The following HPSE variants were observed in gnomAD, a reference collection of about 807,000 sequenced individuals.
The protein encoded by HPSE is heparanase.
A neutral mutation model predicts 65.1 loss-of-function variants in HPSE; 48 were observed. That is an observed-to-expected ratio of 0.74 (90% CI 0.58 to 0.94). The LOEUF is 0.94. HPSE is among the 40% of genes least tolerant of loss of function. The pLI, the probability that HPSE is intolerant of heterozygous loss-of-function variation, is 0.00. For missense variants in HPSE, 644 were observed against 637.5 expected, an observed-to-expected ratio of 1.01 and a Z score of -0.11; for synonymous variants, 243 against 260.0, an observed-to-expected ratio of 0.93 and a Z score of 0.63.
chr4:83,310,326 T>G (rs1013112764), intron 5 of HPSE, among the ~76,000 whole-genome samples: 4 of 151,844 alleles, frequency 2.6e-5, no homozygotes, highest in Non-Finnish European at 4.4e-5. Flanking sequence ...TTTAATAACA[T>G]GTGGACTATT....
intron 2 of HPSE, among the ~76,000 whole-genome samples, chr4:83,319,684 T>C (rs1736802164): frequency 6.6e-6 from 1 of 152,264 alleles, no homozygotes; most frequent in South Asian, 2.1e-4. Context: ...GCAGGTTTCC[T>C]AAGAAATATT....
chr4:83,292,938 TA>T lies in HPSE; in HGVS notation c.*2405del, dbSNP rs1317100482. On this transcript the variant is annotated 3_prime_UTR_variant, in exon 12 of 12. Coordinates refer to ENST00000311412, the MANE Select transcript of HPSE (RefSeq NM_001098540.3). ...TACATCACTCAGGTGACAAGTACAT[TA>T]AAAGCCGAGTCTTCACCACTACACA... The T allele has an allele frequency of 1.3e-5, 2 of 152,016 alleles. No individual in the cohort carries two copies. The highest frequency in any genetic ancestry group is 2.4e-5 in the African/African-American group (1 of 41,350). 9.4% of individuals were successfully genotyped at this position (152,016 alleles called of 1,614,324 possible).
At chr4:83,323,631 C>G (rs1041454970) in intron 1 of HPSE, among the ~76,000 whole-genome samples, 1 of 152,154 alleles carries the variant, frequency 6.6e-6, no homozygotes, top group Non-Finnish European at 1.5e-5. Context: ...ACTCCTGCCT[C>G]CCTTCACCAT....
At chr4:83,324,106 T>C (rs1737032792) in intron 1 of HPSE, among the ~76,000 whole-genome samples, 1 of 131,808 alleles carries the variant, frequency 7.6e-6, no homozygotes, top group Admixed American at 9.1e-5. Context: ...CAATACTTCT[T>C]CTTCTTCTTT....
chr4:83,308,047 A>G (rs1736209699), intron 8 of HPSE, among the ~76,000 whole-genome samples: 1 of 151,958 alleles, frequency 6.6e-6, no homozygotes, highest in Non-Finnish European at 1.5e-5. Context: ...ATAGCTACAT[A>G]CACTAAGTAT....
At chr4:83,313,672 T>A (rs1736512775) in intron 3 of HPSE, among the ~76,000 whole-genome samples, 1 of 152,188 alleles carries the variant, frequency 6.6e-6, no homozygotes, top group African/African-American at 2.4e-5. Flanking sequence ...ACAAGTTCAG[T>A]TAAAAAATAT....
intron 1 of HPSE, among the ~76,000 whole-genome samples, chr4:83,332,184 T>G (rs894377215): frequency 2.0e-5 from 3 of 152,238 alleles, no homozygotes; most frequent in Non-Finnish European, 2.9e-5. Context: ...TGAGGAACTG[T>G]AATAAATTAA....
intron 1 of HPSE, among the ~76,000 whole-genome samples, chr4:83,329,095 G>C (rs1313631631): frequency 2.6e-5 from 4 of 152,128 alleles, no homozygotes; most frequent in Non-Finnish European, 5.9e-5. Flanking sequence ...CAGAGAAATG[G>C]AGAGTTAAGG....
intron 1 of HPSE, among the ~76,000 whole-genome samples, chr4:83,332,107 C>A (rs1737397286): frequency 6.6e-6 from 1 of 152,254 alleles, no homozygotes; most frequent in African/African-American, 2.4e-5. Context: ...GTGTCCTCCT[C>A]TCTTTCCTTA....
At chr4:83,312,841 CAAAAAAAAAA>C (rs1200808673) in intron 4 of HPSE, among the ~76,000 whole-genome samples, 4 of 10,982 alleles carry the variant, frequency 3.6e-4, no homozygotes, top group South Asian at 6.7e-3. Flanking sequence ...ACTAAAAATG[CAAAAAAAAAA>C]AAAAAAAAAA....
intron 11 of HPSE, 146 bp downstream of exon 11, chr4:83,300,814 C>CAA (rs746396316): frequency 0.051 from 431 of 8,408 alleles, 106 homozygotes; most frequent in African/African-American, 0.072. Flanking sequence ...GACTCCGTCT[C>CAA]AAAAAAAAAA....
intron 1 of HPSE, 107 bp downstream of exon 1, chr4:83,334,449 T>C: frequency 1.7e-6 from 2 of 1,181,604 alleles, no homozygotes; most frequent in Non-Finnish European, 2.3e-6. Context: ...GGCGGGGAGG[T>C]TCCGGTGTGA....
chr4:83,334,827 G>A lies in HPSE; in HGVS notation c.-45C>T, dbSNP rs1032718066. The A allele has an allele frequency of 2.0e-6, 3 of 1,475,240 alleles. No homozygotes were observed. The highest frequency in any genetic ancestry group is 2.5e-5 in the East Asian group (1 of 40,292). The allele number at this position is 1,475,240 out of a possible 1,614,324, so 91.4% of individuals were successfully genotyped here. A position where few individuals can be genotyped will look rare whatever the true frequency, so the allele number is the denominator to read the frequency against. ...TCCCCCCGCCAGCTGCCGCGCAGCG[G>A]AGAGTCGAGAGCTCTAGCACTTCCT... On this transcript the variant is annotated 5_prime_UTR_variant, in exon 1 of 12. Coordinates refer to ENST00000311412, the MANE Select transcript of HPSE (RefSeq NM_001098540.3).
Position 83,313,276 on chromosome 4 carries a change from C to A in HPSE, c.511G>T (p.Asp171Tyr). ...CAGTTTGCAAAAGTGTATAGCACATCTACAGAGCTTCCTAAAAGAAAAACG... is the reference window on the plus strand; with the variant it reads ...CAGTTTGCAAAAGTGTATAGCACATATACAGAGCTTCCTAAAAGAAAAACG... ...KNSTYSRSSV[D>Y]VLYTFANCSG... The change falls in exon 4 of 12, where the codon GAT becomes TAT. Residue 171 changes from aspartate to tyrosine, a missense_variant. Physicochemically the swap from Asp to Tyr is radical, Grantham distance 160. Coordinates refer to ENST00000311412, the MANE Select transcript of HPSE (RefSeq NM_001098540.3). 1.2e-6 allele frequency: 2 copies of A among 1,607,020 alleles called. No individual in the cohort carries two copies. Among genetic ancestry groups the A allele is most frequent in the Non-Finnish European group, 8.5e-7 (1 of 1,177,268 alleles).
Position 83,334,614 on chromosome 4 carries a change from G to T in HPSE, c.169C>A (p.Leu57Met). ...EPLHLVSPSF[L>M]SVTIDANLAT... Reference sequence around the variant, plus strand: ...AGGTTGGCGTCAATGGTGACGGACAGGAACGAGGGGCTCACCAGGTGCAGC... The same window carrying T: ...AGGTTGGCGTCAATGGTGACGGACATGAACGAGGGGCTCACCAGGTGCAGC... The change falls in exon 1 of 12, where the codon CTG becomes ATG. Residue 57 changes from leucine to methionine, a missense_variant. By Grantham distance (15) the Leu-to-Met change is conservative (BLOSUM62 2). Coordinates refer to ENST00000311412, the MANE Select transcript of HPSE (RefSeq NM_001098540.3). The T allele has an allele frequency of 6.3e-7, 1 of 1,592,992 alleles. No homozygotes were observed. The highest frequency in any genetic ancestry group is 8.5e-7 in the Non-Finnish European group (1 of 1,169,796).
chr4:83,297,129 T>C (rs1735761768), intron 11 of HPSE, among the ~76,000 whole-genome samples: 1 of 152,210 alleles, frequency 6.6e-6, no homozygotes. Flanking sequence ...TGCCATTGTG[T>C]TAAGTATTTG....
rs1235226126 is a variant in HPSE, at chr4:83,292,902, T to G, written c.*2442A>C. ...GGGTAATGGATGAAAAATTACCTAT[T>G]GGGTACAATGTACATCACTCAGGTG... On this transcript the variant is annotated 3_prime_UTR_variant, in exon 12 of 12. Coordinates refer to ENST00000311412, the MANE Select transcript of HPSE (RefSeq NM_001098540.3). 1 of 152,098 alleles carries G rather than the reference T, an allele frequency of 6.6e-6. No homozygotes were observed. Among genetic ancestry groups the G allele is most frequent in the African/African-American group, 2.4e-5 (1 of 41,410 alleles). The allele number at this position is 152,098 out of a possible 1,614,324, so 9.4% of individuals were successfully genotyped here.
chr4:83,313,236 A>G lies in HPSE; in HGVS notation c.551T>C (p.Leu184Ser). 2 of 1,614,018 alleles carry G rather than the reference A, an allele frequency of 1.2e-6. No homozygotes were observed. Among genetic ancestry groups the G allele is most frequent in the South Asian group, 1.1e-5 (1 of 91,078 alleles). ...YTFANCSGLD[L>S]IFGLNALLRT... ...TAATAACGCATTTAGGCCAAAGATC[A>G]AGTCCAGTCCTGAGCAGTTTGCAAA... Residue 184 changes from leucine to serine, a missense_variant, in exon 4 of 12, where the codon TTG becomes TCG. Leu to Ser is a moderately radical substitution (Grantham distance 145, BLOSUM62 -2). Transcript: ENST00000311412.
chr4:83,310,133 A>C, intron 5 of HPSE, 55 bp from the exon 6 acceptor site: 1 of 1,185,294 alleles, frequency 8.4e-7, no homozygotes, highest in African/African-American at 1.5e-5. Context: ...TATGCACAAT[A>C]TACGCATGAG....
Sources: gnomAD v4.1 joint callset for allele counts (sites outside exome capture counted in the v4.1 genomes callset) on GRCh38, gnomAD v4.1.1 for gene constraint, MANE v1.5 for transcripts, NCBI Gene and HGNC (gene_info 2026-07-23, HGNC 2026-07-21) for gene names.